The following SGSH variants were observed in gnomAD, a reference collection of about 807,000 sequenced individuals.
SGSH encodes N-sulfoglucosamine sulfohydrolase.
In SGSH, 48 loss-of-function variants were observed where a neutral mutation model predicts 51.0. The ratio of observed to expected loss-of-function variants is 0.94; its 90% CI spans 0.75 to 1.20. The LOEUF is 1.20. Among genes scored for constraint, SGSH ranks in the 50% most tolerant of loss-of-function variants. The pLI is 0.00. For missense variants in SGSH, 662 were observed against 717.8 expected (o/e 0.92, Z 0.89); for synonymous variants, 321 against 313.4 (o/e 1.02, Z -0.26).
chr17:80,216,853 T>G (rs1277839446), intron 2 of SGSH, 179 bp downstream of exon 2: 1 of 629,460 alleles, frequency 1.6e-6, no homozygotes, highest in East Asian at 2.8e-5. Context: ...GGCTGGCGGG[T>G]GAGTCGGAGC....
At position 80,213,619 on chromosome 17, in the gene SGSH, C is replaced by T; in HGVS notation, c.745+185G>A. ...AGGAGCAGGTCCACATCAGGGCAGC[C>T]CCGGGGTTGGGTCCTGATGCCACCC... On this transcript the variant is annotated intron_variant, in intron 6 of 7. Transcript: ENST00000326317. The surrounding 1 kb of genome is among the most constrained non-coding windows in gnomAD (Gnocchi z 4.6). 1.6e-6 allele frequency: 1 copy of T among 627,316 alleles called. No homozygotes were observed. The highest frequency in any genetic ancestry group is 2.8e-6 in the Non-Finnish European group (1 of 353,194). The allele number at this position is 627,316 out of a possible 1,614,324, so 38.9% of individuals were successfully genotyped here.
At chr17:80,220,139 C>A in intron 1 of SGSH, 87 bp downstream of exon 1, 1 of 953,208 alleles carries the variant, frequency 1.0e-6, no homozygotes. Flanking sequence ...ACACTAGGGT[C>A]AGCATTGACC....
chr17:80,214,272 G>C lies in SGSH; in HGVS notation c.563C>G (p.Pro188Arg). ...HDPHRCGHSQ[P>R]QYGTFCEKFG... ...CTTCTCACAGAAGGTTCCGTACTGG[G>C]GCTGGGAGTGCCCACAGCGGTGGGG... Residue 188 changes from proline to arginine, a missense_variant, in exon 5 of 8, where the codon CCC becomes CGC. Transcript: ENST00000326317. 1 of 1,613,274 alleles carries C rather than the reference G, an allele frequency of 6.2e-7. No individual in the cohort carries two copies. Among genetic ancestry groups the C allele is most frequent in the Non-Finnish European group, 8.5e-7 (1 of 1,180,014 alleles).
At position 80,214,024 on chromosome 17, in the gene SGSH, T is replaced by C. The variant is rs781271038; in HGVS notation, c.664-139A>G. The C allele has an allele frequency of 2.9e-5, 38 of 1,325,412 alleles. No homozygotes were observed. The South Asian group carries it at 4.7e-4, about 16-fold the overall frequency. 82.1% of individuals were successfully genotyped at this position (1,325,412 alleles called of 1,614,324 possible). A position where few individuals can be genotyped will look rare whatever the true frequency, so the allele number is the denominator to read the frequency against. ...ACCACCCCGTCTCTCTACGGTTCTCTCTGTGGCCCCGAGGTTGGGAACCTG... is the reference window on the plus strand; with the variant it reads ...ACCACCCCGTCTCTCTACGGTTCTCCCTGTGGCCCCGAGGTTGGGAACCTG... On this transcript the variant is annotated intron_variant, in intron 5 of 7. Transcript: ENST00000326317.
downstream of SGSH, chr17:80,204,616 CT>C: frequency 2.8e-6 from 1 of 362,896 alleles, no homozygotes; most frequent in Non-Finnish European, 5.0e-6. Flanking sequence ...AAGAGCAAAA[CT>C]CTGTCTCAGG....
rs745651937 is a variant in SGSH, at chr17:80,214,272, G to T, written c.563C>A (p.Pro188His). 3 of 1,613,156 alleles carry T rather than the reference G, an allele frequency of 1.9e-6. No individual in the cohort carries two copies. Among genetic ancestry groups the T allele is most frequent in the African/African-American group, 2.7e-5 (2 of 74,936 alleles). The change falls in exon 5 of 8, where the codon CCC becomes CAC. Residue 188 changes from proline to histidine, a missense_variant. Transcript: ENST00000326317. The part of the protein sequence containing the change: ...HDPHRCGHSQ[P>H]QYGTFCEKFG... Reference sequence around the variant, plus strand: ...CTTCTCACAGAAGGTTCCGTACTGGGGCTGGGAGTGCCCACAGCGGTGGGG... The same window carrying T: ...CTTCTCACAGAAGGTTCCGTACTGGTGCTGGGAGTGCCCACAGCGGTGGGG...
Position 80,213,973 on chromosome 17 carries a change from G to A in SGSH, c.664-88C>T, listed in dbSNP as rs1373294907. On this transcript the variant is annotated intron_variant, in intron 5 of 7. Coordinates refer to ENST00000326317, the MANE Select transcript of SGSH (RefSeq NM_000199.5). The surrounding 1 kb of genome is among the most constrained non-coding windows in gnomAD (Gnocchi z 4.6). ...TCTCCCCGGGGCCTCCTGCAAATGGGTTAGCCCAGAACAGCCTCACTCCGG... is the reference window on the plus strand; with the variant it reads ...TCTCCCCGGGGCCTCCTGCAAATGGATTAGCCCAGAACAGCCTCACTCCGG... 7.2e-7 allele frequency: 1 copy of A among 1,394,566 alleles called. No homozygotes were observed. Among genetic ancestry groups the A allele is most frequent in the African/African-American group, 1.4e-5 (1 of 71,144 alleles). 86.4% of individuals were successfully genotyped at this position (1,394,566 alleles called of 1,614,324 possible). A position where few individuals can be genotyped will look rare whatever the true frequency, so the allele number is the denominator to read the frequency against.
At position 80,214,675 on chromosome 17, in the gene SGSH, C is replaced by A. The variant is rs773474993; in HGVS notation, c.446G>T (p.Gly149Val). 1 of 1,613,378 alleles carries A rather than the reference C, an allele frequency of 6.2e-7. No homozygotes were observed. The highest frequency in any genetic ancestry group is 2.2e-5 in the East Asian group (1 of 44,888). ...CAGCTTAATTCTAGTGATGTTCCGC[C>A]CCACCTGGAGGACGGAGCCATTCTC... is the stretch of plus-strand genomic sequence containing the variant. ...TEENGSVLQVGRNITRIKLLV... is the reference protein window; with the variant it reads ...TEENGSVLQVVRNITRIKLLV... Residue 149 changes from glycine to valine, a missense_variant, in exon 4 of 8, where the codon GGG becomes GTG. Coordinates refer to ENST00000326317, the MANE Select transcript of SGSH (RefSeq NM_000199.5).
downstream of SGSH, chr17:80,201,976 C>T (rs2041001563): frequency 4.2e-6 from 6 of 1,427,308 alleles, no homozygotes; most frequent in Non-Finnish European, 5.7e-6. The surrounding 1 kb of genome is among the most constrained non-coding windows in gnomAD (Gnocchi z 5.0). Context: ...ACCCCCAGAG[C>T]CAAGAGAGGA....
At position 80,213,763 on chromosome 17, in the gene SGSH, G is replaced by C. The variant is rs377691452; in HGVS notation, c.745+41C>G. ...GCGCTGGCCCAGGATGGGGGACCCC[G>C]GCCGTGGCACCCCCTCCAGTGCCCG... On this transcript the variant is annotated intron_variant, in intron 6 of 7. Transcript: ENST00000326317. The surrounding 1 kb of genome is among the most constrained non-coding windows in gnomAD (Gnocchi z 4.6). 1.9e-6 allele frequency: 3 copies of C among 1,539,650 alleles called. No homozygotes were observed. Among genetic ancestry groups the C allele is most frequent in the Admixed American group, 3.8e-5 (2 of 52,510 alleles).
downstream of SGSH, chr17:80,203,869 G>A (rs34822755): frequency 1.8e-3 from 2,805 of 1,597,026 alleles, 42 homozygotes; most frequent in African/African-American, 0.033. This position sits in a 1 kb window ranked among gnomAD's most constrained non-coding sequence, Gnocchi z 4.6. Flanking sequence ...ACTCAGCAGT[G>A]CACCGTGACC....
At position 80,210,559 on chromosome 17, in the gene SGSH, G is replaced by T; in HGVS notation, c.1402C>A (p.Leu468Met). The T allele has an allele frequency of 1.2e-5, 19 of 1,612,828 alleles. No individual in the cohort carries two copies. Among genetic ancestry groups the T allele is most frequent in the Non-Finnish European group, 1.5e-5 (18 of 1,179,842 alleles). ...TGGGTCTCCCACTGCCACTTGGCCA[G>T]CTGGTCCCGAAGCATCTCCAGAAGC... ...AQLLEMLRDQ[L>M]AKWQWETHDP... Residue 468 changes from leucine to methionine, a missense_variant, in exon 8 of 8, where the codon CTG becomes ATG. Transcript: ENST00000326317.
the SGSH span, chr17:80,201,582 C>G: frequency 1.1e-5 from 8 of 722,416 alleles, no homozygotes; most frequent in Non-Finnish European, 1.7e-5. This position sits in a 1 kb window ranked among gnomAD's most constrained non-coding sequence, Gnocchi z 5.0. Context: ...GAAGGCCCCA[C>G]AGAGGCTCTG....
downstream of SGSH, chr17:80,201,882 A>C (rs766365956): frequency 3.2e-5 from 52 of 1,603,072 alleles, no homozygotes; most frequent in Non-Finnish European, 4.3e-5. The surrounding 1 kb of genome is among the most constrained non-coding windows in gnomAD (Gnocchi z 5.0). Context: ...TACACATACC[A>C]CTCCTCTCGT....
chr17:80,214,963 C>G, intron 3 of SGSH, 70 bp downstream of exon 3: 2 of 1,437,362 alleles, frequency 1.4e-6, no homozygotes, highest in Non-Finnish European at 1.9e-6. Context: ...TACAAGGTGC[C>G]GAACCTCCTG....
Position 80,212,089 on chromosome 17 carries a change from C to G in SGSH, c.931G>C (p.Ala311Pro). Residue 311 changes from alanine to proline, a missense_variant, in exon 7 of 8, where the codon GCC (alanine) becomes CCC (proline). Coordinates refer to ENST00000326317, the MANE Select transcript of SGSH (RefSeq NM_000199.5). The surrounding 1 kb of genome is among the most constrained non-coding windows in gnomAD (Gnocchi z 5.9). ...HPKRWGQVSEAYVSLLDLTPT... is the reference protein window; with the variant it reads ...HPKRWGQVSEPYVSLLDLTPT... ...GGCATACCTAGGAGGCTCACGTAGGCCTCGCTGACTTGGCCCCAGCGTTTT... is the reference window on the plus strand; with the variant it reads ...GGCATACCTAGGAGGCTCACGTAGGGCTCGCTGACTTGGCCCCAGCGTTTT... 6.2e-7 allele frequency: 1 copy of G among 1,613,544 alleles called. No homozygotes were observed. The highest frequency in any genetic ancestry group is 8.5e-7 in the Non-Finnish European group (1 of 1,179,992).
At chr17:80,205,926 G>A (rs1157736092), downstream of SGSH, 4 of 334,912 alleles carry the variant, frequency 1.2e-5, no homozygotes, top group South Asian at 6.7e-5. Flanking sequence ...GAATAAATCC[G>A]AGCTAACAAC....
intron 2 of SGSH, chr17:80,216,737 C>T (rs550979976): frequency 2.1e-6 from 1 of 483,308 alleles, no homozygotes; most frequent in Non-Finnish European, 3.8e-6. Context: ...CGCCAATCTC[C>T]ATAACTAGAG....
chr17:80,201,842 C>T (rs756702830), downstream of SGSH: 5 of 1,613,896 alleles, frequency 3.1e-6, no homozygotes, highest in South Asian at 2.2e-5. The surrounding 1 kb of genome is among the most constrained non-coding windows in gnomAD (Gnocchi z 5.0). Flanking sequence ...ACGGCTTCTG[C>T]TGCCTGTCTG....
Sources: gnomAD v4.1 joint callset for allele counts on GRCh38, gnomAD v4.1.1 for gene constraint, Gnocchi (gnomAD v3.1) non-coding constraint, MANE v1.5 for transcripts, NCBI Gene and HGNC (gene_info 2026-07-23, HGNC 2026-07-21) for gene names.